SIPA1L3: variants seen among roughly 807,000 people sequenced by gnomAD.
SIPA1L3 encodes signal-induced proliferation-associated 1-like protein 3.
Under a neutral mutation model 150.1 loss-of-function variants are expected in SIPA1L3, and 59 were observed. That is an observed-to-expected ratio of 0.39 (90% CI 0.32 to 0.49). The LOEUF is 0.49. Among genes scored for constraint, SIPA1L3 ranks in the 20% least tolerant of loss-of-function variants. The pLI is 0.86. For missense variants in SIPA1L3, 2,211 were observed against 2,489.5 expected (o/e 0.89, Z 2.38); for synonymous variants, 1,070 against 1,077.6 (o/e 0.99, Z 0.14).
At position 38,182,639 on chromosome 19, in the gene SIPA1L3, GTCCTT is replaced by G; in HGVS notation, c.4330_4334del (p.Ser1444LeufsTer9). On this transcript the variant is annotated frameshift_variant, in exon 16 of 22. Coordinates refer to ENST00000222345, the MANE Select transcript of SIPA1L3 (RefSeq NM_015073.3). LOFTEE classifies it high-confidence loss of function. Reference sequence around the variant, plus strand: ...TTCAGCTCTCCGCCTCCGTCCCCAAGTCCTTCTTCTCCAAGCAGCCTGTACGCAAT... The same window carrying G: ...TTCAGCTCTCCGCCTCCGTCCCCAAGCTTCTCCAAGCAGCCTGTACGCAAT... The G allele has an allele frequency of 6.2e-7, 1 of 1,614,060 alleles. No homozygotes were observed. Among genetic ancestry groups the G allele is most frequent in the Non-Finnish European group, 8.5e-7 (1 of 1,180,028 alleles).
At chr19:38,060,529 C>A (rs1362428245) in intron 2 of SIPA1L3, among the ~76,000 whole-genome samples, 1 of 152,180 alleles carries the variant, frequency 6.6e-6, no homozygotes. Flanking sequence ...AGTTTGGGAG[C>A]CCCAGTGGTG....
chr19:38,202,124 A>G (rs1973100916), intron 20 of SIPA1L3, 127 bp downstream of exon 20: 5 of 856,970 alleles, frequency 5.8e-6, no homozygotes, highest in Non-Finnish European at 8.7e-6. Flanking sequence ...CTGATATAGC[A>G]GCTACTCCCC....
chr19:38,199,108 G>T (rs987972666), intron 19 of SIPA1L3, among the ~76,000 whole-genome samples: 3 of 152,226 alleles, frequency 2.0e-5, no homozygotes, highest in Non-Finnish European at 2.9e-5. Context: ...TACCAGGCCT[G>T]CAGGGATCCT....
chr19:38,046,729 G>A lies in SIPA1L3; in HGVS notation c.-311+17573G>A, dbSNP rs868615575. On this transcript the variant is annotated intron_variant, in intron 2 of 21. Coordinates refer to ENST00000222345, the MANE Select transcript of SIPA1L3 (RefSeq NM_015073.3). This position sits in a 1 kb window ranked among gnomAD's most constrained non-coding sequence, Gnocchi z 5.6. ...TCCCCCGAGCAGCTCCTCTGACCCC[G>A]CAACCCGGCATCTCCTGTGCCCGAG... Among the ~76,000 whole-genome samples, 11 of 152,152 alleles carry A rather than the reference G, an allele frequency of 7.2e-5. No homozygotes were observed. The highest frequency in any genetic ancestry group is 2.2e-4 in the African/African-American group (9 of 41,446).
chr19:37,964,896 G>A (rs1215942268), intron 1 of SIPA1L3: 2 of 152,106 alleles, frequency 1.3e-5, no homozygotes, highest in Non-Finnish European at 2.9e-5. Flanking sequence ...TGAGAGTGAG[G>A]CCTGGACATC....
intron 1 of SIPA1L3, among the ~76,000 whole-genome samples, chr19:37,909,213 T>C (rs998521388): frequency 2.0e-5 from 3 of 152,192 alleles, no homozygotes; most frequent in African/African-American, 7.2e-5. Context: ...GCACTGAAAG[T>C]TCCCCTCAGC....
chr19:37,962,643 T>C (rs1203285728), intron 1 of SIPA1L3, among the ~76,000 whole-genome samples: 1 of 151,858 alleles, frequency 6.6e-6, no homozygotes, highest in Non-Finnish European at 1.5e-5. Flanking sequence ...TTTGTGTGTT[T>C]GGCGAGGGTG....
intron 12 of SIPA1L3, among the ~76,000 whole-genome samples, chr19:38,147,789 T>C: frequency 6.6e-6 from 1 of 152,128 alleles, no homozygotes; most frequent in Admixed American, 6.6e-5. Context: ...TTGAGGTGGG[T>C]AGTTTAATTG....
At chr19:37,955,088 C>CAAA (rs34802797) in intron 1 of SIPA1L3, among the ~76,000 whole-genome samples, 21 of 45,352 alleles carry the variant, frequency 4.6e-4, no homozygotes, top group East Asian at 2.2e-3. Flanking sequence ...TGCTGTCTCT[C>CAAA]AAAAAAAAAA....
intron 1 of SIPA1L3, among the ~76,000 whole-genome samples, chr19:37,916,882 C>T (rs1049336264): frequency 2.0e-5 from 3 of 151,834 alleles, no homozygotes; most frequent in South Asian, 4.2e-4. Flanking sequence ...TCACTTGAAC[C>T]CTGGAGGTGA....
At chr19:37,920,539 G>A (rs2046449860) in intron 1 of SIPA1L3, among the ~76,000 whole-genome samples, 1 of 152,082 alleles carries the variant, frequency 6.6e-6, no homozygotes, top group Non-Finnish European at 1.5e-5. Context: ...CAGACAATGA[G>A]GGCTTATTAT....
chr19:38,135,169 C>T (rs1246798031), intron 10 of SIPA1L3, among the ~76,000 whole-genome samples: 1 of 152,214 alleles, frequency 6.6e-6, no homozygotes, highest in Non-Finnish European at 1.5e-5. Flanking sequence ...AATACACGGG[C>T]ATGCGAGTGA....
At chr19:38,093,676 G>C (rs778138669) in intron 4 of SIPA1L3, among the ~76,000 whole-genome samples, 37 of 152,298 alleles carry the variant, frequency 2.4e-4, no homozygotes, top group Non-Finnish European at 4.9e-4. Flanking sequence ...AGGGGCCAGA[G>C]CGAGAGGTCT....
rs1033082071 is a variant in SIPA1L3 at position 38,116,517 on chromosome 19, C to T, written c.2292-2789C>T. ...TAGCCAGGGCAACAGAGCAGCAAGACTCTGTCTCAAAAAAAAAAAAAAAAG... is the reference window on the plus strand; with the variant it reads ...TAGCCAGGGCAACAGAGCAGCAAGATTCTGTCTCAAAAAAAAAAAAAAAAG... On this transcript the variant is annotated intron_variant, in intron 8 of 21. Transcript: ENST00000222345. 9.7e-5 allele frequency among the ~76,000 whole-genome samples: 12 copies of T among 123,408 alleles called. No homozygotes were observed. In the Admixed American group the frequency reaches 1.0e-3, roughly 11 times the overall value. 81.0% of individuals were successfully genotyped at this position (123,408 alleles called of 152,430 possible).
chr19:38,057,336 A>G (rs562501803), intron 2 of SIPA1L3, among the ~76,000 whole-genome samples: 16 of 150,646 alleles, frequency 1.1e-4, no homozygotes, highest in Admixed American at 2.0e-4. Context: ...ACACACACAC[A>G]CACGTATATA....
chr19:38,057,848 G>A (rs1969358426), intron 2 of SIPA1L3, among the ~76,000 whole-genome samples: 1 of 151,616 alleles, frequency 6.6e-6, no homozygotes, highest in Non-Finnish European at 1.5e-5. Flanking sequence ...TTTTTTAGTA[G>A]AGACAGGGTT....
intron 2 of SIPA1L3, among the ~76,000 whole-genome samples, chr19:38,062,476 C>T (rs531168219): frequency 6.6e-6 from 1 of 152,130 alleles, no homozygotes; most frequent in Non-Finnish European, 1.5e-5. Context: ...TGTGTGGGCT[C>T]AGTGGAGCCA....
chr19:37,976,713 G>A (rs1187576633), intron 1 of SIPA1L3, among the ~76,000 whole-genome samples: 1 of 152,146 alleles, frequency 6.6e-6, no homozygotes, highest in African/African-American at 2.4e-5. Context: ...GAGAACCGGA[G>A]GGTTGCTTTG....
At chr19:38,021,605 A>T (rs1968374294) in intron 1 of SIPA1L3, among the ~76,000 whole-genome samples, 1 of 151,072 alleles carries the variant, frequency 6.6e-6, no homozygotes, top group African/African-American at 2.4e-5. Context: ...GCAGTGATGC[A>T]GTCATGGCTC....
Sources: gnomAD v4.1 joint callset for allele counts (sites outside exome capture counted in the v4.1 genomes callset) on GRCh38, gnomAD v4.1.1 for gene constraint, Gnocchi (gnomAD v3.1) non-coding constraint, MANE v1.5 for transcripts, NCBI Gene and HGNC (gene_info 2026-07-23, HGNC 2026-07-21) for gene names.